CDK8: variants seen among roughly 807,000 people sequenced by gnomAD.
CDK8 encodes cyclin dependent kinase 8, also known as cyclin-dependent kinase 8.
In CDK8, 29 loss-of-function variants were observed where a neutral mutation model predicts 71.5. The observed-to-expected ratio is 0.41, with a 90% CI of 0.30 to 0.55. CDK8 has a LOEUF of 0.55. Ranked by LOEUF, CDK8 falls within the 20% of genes least tolerant of loss-of-function variation. CDK8 has a pLI of 0.37. For synonymous variants in CDK8, 161 were observed against 192.1 expected, an observed-to-expected ratio of 0.84 and a Z score of 1.34; for missense variants, 288 against 572.6, an observed-to-expected ratio of 0.50 and a Z score of 5.07.
chr13:26,329,364 T>A (rs1230699428), intron 1 of CDK8, among the ~76,000 whole-genome samples: 2 of 152,006 alleles, frequency 1.3e-5, no homozygotes, highest in Non-Finnish European at 2.9e-5. Context: ...CCCTCAGCTT[T>A]ATTTTTTTAA....
chr13:26,340,731 T>A (rs905493449), intron 2 of CDK8, among the ~76,000 whole-genome samples: 6 of 152,000 alleles, frequency 3.9e-5, no homozygotes, highest in African/African-American at 1.5e-4. Context: ...TACGAGGGGG[T>A]TCTTTTTATC....
chr13:26,282,907 G>A (rs2137888241), intron 1 of CDK8, among the ~76,000 whole-genome samples: 1 of 152,162 alleles, frequency 6.6e-6, no homozygotes, highest in East Asian at 1.9e-4. Context: ...AAGCAAGCAG[G>A]AATAGCTATT....
At chr13:26,307,009 A>G (rs1197428109) in intron 1 of CDK8, among the ~76,000 whole-genome samples, 1 of 152,222 alleles carries the variant, frequency 6.6e-6, no homozygotes, top group African/African-American at 2.4e-5. Flanking sequence ...AGAGAAACTC[A>G]TATTAAAAGC....
chr13:26,324,471 A>G (rs917353632), intron 1 of CDK8, among the ~76,000 whole-genome samples: 2 of 152,314 alleles, frequency 1.3e-5, no homozygotes, highest in African/African-American at 4.8e-5. Context: ...ATTTATAGTA[A>G]CACTTGGAGT....
At chr13:26,336,521 G>A (rs535961788) in intron 1 of CDK8, among the ~76,000 whole-genome samples, 1 of 151,390 alleles carries the variant, frequency 6.6e-6, no homozygotes, top group Non-Finnish European at 1.5e-5. Context: ...CAGCCATTTA[G>A]GCCTCAGATG....
At position 26,404,321 on chromosome 13, in the gene CDK8, C is replaced by G. The variant is rs1876413063; in HGVS notation, c.*240C>G. On this transcript the variant is annotated 3_prime_UTR_variant, in exon 13 of 13. Coordinates refer to ENST00000381527, the MANE Select transcript of CDK8 (RefSeq NM_001260.3). ...AGTTTGTGTTGTGGATTTGCTACTT[C>G]CATAGTTTACTTGACATGGTTCAGA... The G allele has an allele frequency of 6.2e-5, 26 of 416,826 alleles. No homozygotes were observed. In the East Asian group the frequency reaches 9.6e-4, roughly 15 times the overall value. The allele number at this position is 416,826 out of a possible 1,614,324, so 25.8% of individuals were successfully genotyped here. A position where few individuals can be genotyped will look rare whatever the true frequency, so the allele number is the denominator to read the frequency against.
At chr13:26,395,460 G>A (rs1593311637) in intron 7 of CDK8, among the ~76,000 whole-genome samples, 2 of 150,588 alleles carry the variant, frequency 1.3e-5, no homozygotes, top group South Asian at 4.3e-4. Context: ...TCCGGCCTGG[G>A]CTGTTAACAA....
At chr13:26,397,445 A>C (rs541003282) in intron 9 of CDK8, among the ~76,000 whole-genome samples, 4 of 152,272 alleles carry the variant, frequency 2.6e-5, no homozygotes, top group South Asian at 2.1e-4. Context: ...TGGTCACATT[A>C]GATTTTCTAA....
intron 9 of CDK8, 67 bp from the exon 10 acceptor site, chr13:26,400,386 T>C: frequency 1.1e-6 from 1 of 948,378 alleles, no homozygotes; most frequent in Non-Finnish European, 1.7e-6. Context: ...TATATCGTCT[T>C]CACATATGTG....
chr13:26,400,274 C>G, intron 9 of CDK8, 179 bp from the exon 10 acceptor site: 1 of 562,268 alleles, frequency 1.8e-6, no homozygotes, highest in Non-Finnish European at 3.2e-6. Flanking sequence ...ACTGGAATGA[C>G]TAAAGTGTGA....
intron 7 of CDK8, among the ~76,000 whole-genome samples, chr13:26,395,218 C>G (rs187415868): frequency 6.6e-6 from 1 of 152,132 alleles, no homozygotes; most frequent in Admixed American, 6.5e-5. Context: ...TGCGAGGCCG[C>G]GGTGGGCGGA....
intron 4 of CDK8, among the ~76,000 whole-genome samples, chr13:26,365,428 C>A (rs1040725714): frequency 1.3e-5 from 2 of 152,038 alleles, no homozygotes; most frequent in Non-Finnish European, 2.9e-5. Context: ...AAGTGGCCCA[C>A]TTCATTTTAT....
intron 1 of CDK8, among the ~76,000 whole-genome samples, chr13:26,326,455 C>T (rs1450255234): frequency 6.6e-6 from 1 of 152,180 alleles, no homozygotes; most frequent in East Asian, 1.9e-4. Context: ...ATAGCTTGGA[C>T]ACAAAATAAG....
At chr13:26,300,353 G>A (rs1007868742) in intron 1 of CDK8, among the ~76,000 whole-genome samples, 14 of 152,144 alleles carry the variant, frequency 9.2e-5, no homozygotes, top group African/African-American at 3.1e-4. Flanking sequence ...ACGAAGGGAT[G>A]AGTCACATTC....
At chr13:26,310,973 TCTC>T (rs1407880515) in intron 1 of CDK8, among the ~76,000 whole-genome samples, 3 of 151,706 alleles carry the variant, frequency 2.0e-5, no homozygotes, top group Admixed American at 1.3e-4. Context: ...CAACATCACT[TCTC>T]ATCATTTTTT....
At chr13:26,275,205 G>A (rs1289376488) in intron 1 of CDK8, among the ~76,000 whole-genome samples, 1 of 151,956 alleles carries the variant, frequency 6.6e-6, no homozygotes, top group Non-Finnish European at 1.5e-5. Context: ...CAATATCTGG[G>A]GTAAGACTGG....
chr13:26,353,850 G>C lies in CDK8; in HGVS notation c.426G>C (p.Leu142=). 6.2e-7 allele frequency: 1 copy of C among 1,613,354 alleles called. No homozygotes were observed. The highest frequency in any genetic ancestry group is 8.5e-7 in the Non-Finnish European group (1 of 1,179,414). Reference sequence around the variant, plus strand: ...AGATCCTAGATGGTATTCACTACCTGCATGCTAACTGGGTGTTGCACAGAG... The same window carrying C: ...AGATCCTAGATGGTATTCACTACCTCCATGCTAACTGGGTGTTGCACAGAG... ...LYQILDGIHY[L]HANWVLHRDL... The change falls in exon 4 of 13, where the codon CTG becomes CTC. Residue 142 remains leucine, a synonymous_variant. Transcript: ENST00000381527.
At chr13:26,345,937 C>T (rs1475467338) in intron 2 of CDK8, among the ~76,000 whole-genome samples, 3 of 152,126 alleles carry the variant, frequency 2.0e-5, no homozygotes, top group African/African-American at 7.2e-5. Flanking sequence ...TAGTGCCTGC[C>T]GTTGTCAAGT....
chr13:26,334,627 C>A (rs989460679), intron 1 of CDK8, among the ~76,000 whole-genome samples: 4 of 151,726 alleles, frequency 2.6e-5, no homozygotes, highest in African/African-American at 9.7e-5. Context: ...ATTGTGATTT[C>A]TTTTCCCAAG....
Sources: allele counts gnomAD v4.1 joint callset (sites outside exome capture counted in the v4.1 genomes callset), GRCh38; gene constraint gnomAD v4.1.1; transcripts MANE v1.5; gene names NCBI Gene and HGNC (gene_info 2026-07-23, HGNC 2026-07-21).